MTCL2: variants seen among roughly 807,000 people sequenced by gnomAD.
MTCL2 encodes the protein microtubule crosslinking factor 2, also known as microtubule cross-linking factor 2.
chr20:36,817,304 T>C, the MTCL2 span: 1 of 870,960 alleles, frequency 1.1e-6, no homozygotes, highest in East Asian at 3.1e-5. Flanking sequence ...AAAAGGAAAA[T>C]GAGCAAGGGG....
chr20:36,862,736 G>C, the MTCL2 span: 7 of 1,490,044 alleles, frequency 4.7e-6, no homozygotes, highest in Non-Finnish European at 6.2e-6. Flanking sequence ...GCATCTCCTC[G>C]GTGAGGTCGG....
At chr20:36,841,872 G>GGGGGGTGAGT in the MTCL2 span, among the ~76,000 whole-genome samples, 1 of 71,418 alleles carries the variant, frequency 1.4e-5, no homozygotes, top group Non-Finnish European at 2.7e-5. Flanking sequence ...GGTGGGGGGT[G>GGGGGGTGAGT]GGGTGTGTGT....
chr20:36,801,419 ACAAAACCCTGTAAATAT>A, the MTCL2 span, among the ~76,000 whole-genome samples: 2 of 152,122 alleles, frequency 1.3e-5, no homozygotes, highest in African/African-American at 4.8e-5. Flanking sequence ...AACAAACAAA[ACAAAACCCTGTAAATAT>A]AAATTTAAAT....
At chr20:36,859,031 T>TCCGC in the MTCL2 span, among the ~76,000 whole-genome samples, 1 of 152,190 alleles carries the variant, frequency 6.6e-6, no homozygotes, top group Non-Finnish European at 1.5e-5. Flanking sequence ...CCTTAGGTGA[T>TCCGC]CCGCCCGCCT....
the MTCL2 span, among the ~76,000 whole-genome samples, chr20:36,855,169 T>TGGGACCCAGCC: frequency 5.3e-5 from 8 of 152,312 alleles, no homozygotes; most frequent in African/African-American, 1.9e-4. Context: ...ACCTGGCTAA[T>TGGGACCCAGCC]GGGACCCACA....
chr20:36,797,427 C>T, the MTCL2 span: 1 of 1,477,950 alleles, frequency 6.8e-7, no homozygotes, highest in Non-Finnish European at 9.2e-7. Flanking sequence ...AACTTCCTCT[C>T]ATGTCCCCCA....
At chr20:36,793,788 G>C in the MTCL2 span, 4 of 1,540,952 alleles carry the variant, frequency 2.6e-6, no homozygotes, top group Non-Finnish European at 3.5e-6. This position sits in a 1 kb window ranked among gnomAD's most constrained non-coding sequence, Gnocchi z 6.8. Flanking sequence ...CAGCAGGGCC[G>C]CTCGATGCGC....
At chr20:36,863,387 G>T in the MTCL2 span, 1 of 1,144,622 alleles carries the variant, frequency 8.7e-7, no homozygotes, top group Non-Finnish European at 1.1e-6. This position sits in a 1 kb window ranked among gnomAD's most constrained non-coding sequence, Gnocchi z 6.2. Context: ...CATGGCCCAG[G>T]CCCGCCCGGC....
chr20:36,827,792 G>A, the MTCL2 span, among the ~76,000 whole-genome samples: 4 of 152,126 alleles, frequency 2.6e-5, no homozygotes, highest in African/African-American at 4.8e-5. Flanking sequence ...TACTTGTACC[G>A]TGACCTTAAG....
chr20:36,793,268 G>C, the MTCL2 span: 3 of 1,551,562 alleles, frequency 1.9e-6, no homozygotes, highest in Non-Finnish European at 1.7e-6. The surrounding 1 kb of genome is among the most constrained non-coding windows in gnomAD (Gnocchi z 6.8). Flanking sequence ...AAGGACCACG[G>C]CTCCATCTCC....
the MTCL2 span, among the ~76,000 whole-genome samples, chr20:36,833,614 C>T: frequency 2.0e-5 from 3 of 152,060 alleles, no homozygotes; most frequent in Admixed American, 1.3e-4. Context: ...TTTGGGAGGT[C>T]GAGGTAGGAA....
the MTCL2 span, chr20:36,784,000 A>G: frequency 2.0e-6 from 2 of 985,680 alleles, no homozygotes; most frequent in South Asian, 9.4e-5. Flanking sequence ...ACTGAAAACC[A>G]AGGTCTGGCT....
the MTCL2 span, among the ~76,000 whole-genome samples, chr20:36,828,282 C>T: frequency 6.6e-6 from 1 of 152,212 alleles, no homozygotes; most frequent in Non-Finnish European, 1.5e-5. Context: ...TTCTAGCCGG[C>T]ATTCTGCAGA....
chr20:36,839,700 C>G, the MTCL2 span, among the ~76,000 whole-genome samples: 2 of 152,114 alleles, frequency 1.3e-5, no homozygotes, highest in Non-Finnish European at 2.9e-5. The surrounding 1 kb of genome is among the most constrained non-coding windows in gnomAD (Gnocchi z 5.1). Context: ...GAGTGAGATG[C>G]TTTGATGTTG....
chr20:36,821,703 G>A, the MTCL2 span, among the ~76,000 whole-genome samples: 6 of 152,122 alleles, frequency 3.9e-5, no homozygotes, highest in African/African-American at 1.4e-4. Flanking sequence ...GGGCAACAGA[G>A]CCAGACCTTG....
At chr20:36,787,170 G>A in the MTCL2 span, among the ~76,000 whole-genome samples, 1 of 151,696 alleles carries the variant, frequency 6.6e-6, no homozygotes, top group African/African-American at 2.4e-5. Flanking sequence ...TTCTTTTTTA[G>A]TGTCTCTGTA....
At chr20:36,786,673 A>G in the MTCL2 span, 4 of 1,526,542 alleles carry the variant, frequency 2.6e-6, no homozygotes, top group African/African-American at 1.4e-5. Flanking sequence ...GGAAGTCAAG[A>G]GGAGCCAGGA....
the MTCL2 span, among the ~76,000 whole-genome samples, chr20:36,851,002 C>T: frequency 2.8e-4 from 43 of 152,038 alleles, no homozygotes; most frequent in African/African-American, 8.9e-4. Flanking sequence ...ACTCTGGAAA[C>T]GGCAAGGCTC....
At chr20:36,797,364 C>G in the MTCL2 span, 1 of 830,708 alleles carries the variant, frequency 1.2e-6, no homozygotes, top group Non-Finnish European at 1.9e-6. Context: ...GATACAGACT[C>G]CAGGGCTGAG....
Sources: allele counts gnomAD v4.1 joint callset (sites outside exome capture counted in the v4.1 genomes callset), GRCh38; gene constraint gnomAD v4.1.1; non-coding constraint Gnocchi (gnomAD v3.1); transcripts MANE v1.5; gene names NCBI Gene and HGNC (gene_info 2026-07-23, HGNC 2026-07-21).